MALRD1: variants seen among roughly 807,000 people sequenced by gnomAD.
The protein encoded by MALRD1 is MAM and LDL receptor class A domain containing 1.
MALRD1 carries 247 observed loss-of-function variants against 242.1 expected under a neutral mutation model. That is an observed-to-expected ratio of 1.02 (90% confidence interval 0.92 to 1.13). MALRD1 has a LOEUF of 1.13. Ranked by LOEUF, MALRD1 falls within the 50% of genes most tolerant of loss-of-function variation. The probability of loss-of-function intolerance (pLI) is 0.00; values close to 1 mark genes in which losing one functional copy is unlikely to be tolerated. For synonymous variants in MALRD1, 995 were observed against 866.6 expected, an observed-to-expected ratio of 1.15 and a Z score of -2.60; for missense variants, 2,989 against 2,533.1, an observed-to-expected ratio of 1.18 and a Z score of -3.86.
intron 10 of MALRD1, among the ~76,000 whole-genome samples, chr10:19,140,551 GT>G (rs1833503909): frequency 6.6e-6 from 1 of 150,854 alleles, no homozygotes; most frequent in Non-Finnish European, 1.5e-5. Context: ...GTATGTGTGT[GT>G]GTGTGTGTGT....
Position 19,278,443 on chromosome 10 carries a change from G to GTCCATCCATCCA in MALRD1, c.3080-1573_3080-1562dup, listed in dbSNP as rs150208541. 4.8e-3 allele frequency among the ~76,000 whole-genome samples: 717 copies of GTCCATCCATCCA among 149,170 alleles called. 3 individuals carry two copies. Among genetic ancestry groups the GTCCATCCATCCA allele is most frequent in the East Asian group, 0.013 (66 of 5,010 alleles). On this transcript the variant is annotated intron_variant, in intron 19 of 39. Transcript: ENST00000454679. ...CATCCACTCTGGTATTCATTCATCT[G>GTCCATCCATCCA]TCCATCCATCCATCCATCCATCCAT...
rs879345279 is a variant in MALRD1, at chr10:19,562,309, A to ATAGG, written c.5479-5190_5479-5189insGTAG. Among the ~76,000 whole-genome samples, 189 of 129,196 alleles carry ATAGG rather than the reference A, an allele frequency of 1.5e-3. 1 individual carries two copies. The highest frequency in any genetic ancestry group is 2.3e-3 in the Non-Finnish European group (148 of 64,990). The allele number at this position is 129,196 out of a possible 152,430, so 84.8% of individuals were successfully genotyped here. A position where few individuals can be genotyped will look rare whatever the true frequency, so the allele number is the denominator to read the frequency against. ...GATGCTGTCTTAGGTAGATAGATAG[A>ATAGG]TAGATAGATAGATAGATAGATAGAT... On this transcript the variant is annotated intron_variant, in intron 32 of 39. Transcript: ENST00000454679.
At chr10:19,210,551 A>T (rs906779414) in intron 18 of MALRD1, among the ~76,000 whole-genome samples, 1 of 152,232 alleles carries the variant, frequency 6.6e-6, no homozygotes, top group African/African-American at 2.4e-5. Flanking sequence ...ATATACTGGA[A>T]AAAAACTTCT....
At chr10:19,135,809 G>A (rs1201455335) in intron 9 of MALRD1, among the ~76,000 whole-genome samples, 1 of 152,124 alleles carries the variant, frequency 6.6e-6, no homozygotes, top group African/African-American at 2.4e-5. Context: ...TGCACTTTTG[G>A]TGTTAAGTAA....
intron 28 of MALRD1, among the ~76,000 whole-genome samples, chr10:19,444,680 G>T (rs1192510341): frequency 2.6e-5 from 4 of 152,174 alleles, no homozygotes; most frequent in Non-Finnish European, 5.9e-5. Context: ...AAGATCCATT[G>T]TTAATCTGAT....
At chr10:19,634,315 C>T (rs957842914) in intron 36 of MALRD1, among the ~76,000 whole-genome samples, 5 of 152,120 alleles carry the variant, frequency 3.3e-5, no homozygotes, top group Admixed American at 1.3e-4. Flanking sequence ...CCTACTTAGT[C>T]GATGATCAAC....
chr10:19,447,477 A>G (rs1374865280), intron 28 of MALRD1, among the ~76,000 whole-genome samples: 1 of 152,168 alleles, frequency 6.6e-6, no homozygotes, highest in African/African-American at 2.4e-5. Flanking sequence ...AATGACAGTG[A>G]ATGCATTATT....
chr10:19,428,814 C>T (rs1393966483), intron 28 of MALRD1, among the ~76,000 whole-genome samples: 1 of 152,176 alleles, frequency 6.6e-6, no homozygotes, highest in Non-Finnish European at 1.5e-5. Flanking sequence ...TAGCTGTAGA[C>T]TCTTTTAGAT....
At chr10:19,547,835 T>A (rs1835305181) in intron 32 of MALRD1, among the ~76,000 whole-genome samples, 1 of 102,292 alleles carries the variant, frequency 9.8e-6, no homozygotes, top group African/African-American at 3.2e-5. Flanking sequence ...TTTTTTTTTT[T>A]TTTTTTTTTT....
intron 18 of MALRD1, among the ~76,000 whole-genome samples, chr10:19,235,848 AGTT>A (rs1343764884): frequency 1.3e-5 from 2 of 152,054 alleles, no homozygotes; most frequent in Non-Finnish European, 2.9e-5. Flanking sequence ...GGGAAAGATG[AGTT>A]GTTTTTAAGG....
In MALRD1 at chr10:19,496,736, A is replaced by G. The variant is rs1028706994; in HGVS notation, c.5159-1749A>G. Among the ~76,000 whole-genome samples, 9 of 152,202 alleles carry G rather than the reference A, an allele frequency of 5.9e-5. No homozygotes were observed. The East Asian group carries it at 1.5e-3, about 26-fold the overall frequency. ...CTAAGGCCAATACAGAGTGAGAAAT[A>G]TAAGCAAGCAAATATATGTGAATAT... On this transcript the variant is annotated intron_variant, in intron 30 of 39. Transcript: ENST00000454679.
chr10:19,445,831 A>T (rs1363340467), intron 28 of MALRD1, among the ~76,000 whole-genome samples: 1 of 152,192 alleles, frequency 6.6e-6, no homozygotes, highest in Non-Finnish European at 1.5e-5. Context: ...AAGCTGTCAG[A>T]CAGGGACGTT....
intron 36 of MALRD1, among the ~76,000 whole-genome samples, chr10:19,649,369 TC>T (rs1731657626): frequency 1.3e-5 from 2 of 152,204 alleles, no homozygotes; most frequent in African/African-American, 2.4e-5. Context: ...GTATAAGTGT[TC>T]CCTTTTCTCT....
intron 18 of MALRD1, among the ~76,000 whole-genome samples, chr10:19,237,338 T>A (rs1838365390): frequency 6.7e-6 from 1 of 148,410 alleles, no homozygotes; most frequent in Admixed American, 6.9e-5. Context: ...ACTCTACTTC[T>A]CTATTAACAT....
At chr10:19,231,178 C>A (rs182742904) in intron 18 of MALRD1, among the ~76,000 whole-genome samples, 8 of 152,320 alleles carry the variant, frequency 5.3e-5, no homozygotes, top group Non-Finnish European at 8.8e-5. Flanking sequence ...AAACTCCATA[C>A]TCCTGCCTCA....
chr10:19,200,301 A>G (rs1215706816), intron 14 of MALRD1, among the ~76,000 whole-genome samples: 2 of 152,196 alleles, frequency 1.3e-5, no homozygotes, highest in Non-Finnish European at 2.9e-5. Flanking sequence ...TTTTAAAATT[A>G]CTACTCACAT....
intron 32 of MALRD1, among the ~76,000 whole-genome samples, chr10:19,532,820 G>A (rs1191291234): frequency 2.0e-5 from 3 of 152,004 alleles, no homozygotes; most frequent in African/African-American, 4.8e-5. Context: ...GAGAGCACAC[G>A]AATAAATGCA....
At chr10:19,590,243 G>A (rs909544187) in intron 33 of MALRD1, among the ~76,000 whole-genome samples, 1 of 148,754 alleles carries the variant, frequency 6.7e-6, no homozygotes, top group South Asian at 2.1e-4. Flanking sequence ...AGGAATATTG[G>A]TGGTGATATA....
chr10:19,594,894 C>T (rs937986973), intron 33 of MALRD1, among the ~76,000 whole-genome samples: 6 of 152,022 alleles, frequency 3.9e-5, no homozygotes, highest in Non-Finnish European at 7.4e-5. Context: ...GTACACTGCT[C>T]AGGTGATGGG....
Sources: allele counts gnomAD v4.1 joint callset (sites outside exome capture counted in the v4.1 genomes callset), GRCh38; gene constraint gnomAD v4.1.1; transcripts MANE v1.5; gene names NCBI Gene and HGNC (gene_info 2026-07-23, HGNC 2026-07-21).